LRRC7: variants seen among roughly 807,000 people sequenced by gnomAD.
The protein encoded by LRRC7 is leucine-rich repeat-containing protein 7.
LRRC7 carries 23 observed loss-of-function variants against 175.7 expected under a neutral mutation model. The observed-to-expected ratio is 0.13, with a 90% confidence interval of 0.09 to 0.19. LRRC7 has a LOEUF of 0.19. Ranked by LOEUF, LRRC7 falls within the 10% of genes least tolerant of loss-of-function variation. LRRC7 has a pLI of 1.00. For synonymous variants in LRRC7, 685 were observed against 680.9 expected, an observed-to-expected ratio of 1.01 and a Z score of -0.09; for missense variants, 1,354 against 1,904.7, an observed-to-expected ratio of 0.71 and a Z score of 5.38.
At chr1:69,732,210 C>CAA (rs964875844) in intron 2 of LRRC7, among the ~76,000 whole-genome samples, 1 of 151,166 alleles carries the variant, frequency 6.6e-6, no homozygotes, top group Non-Finnish European at 1.5e-5. Context: ...AAGATAACTT[C>CAA]AAGAAAAAGC....
chr1:69,750,093 T>TAAATAAATAATA (rs139997047), intron 2 of LRRC7, among the ~76,000 whole-genome samples: 13,511 of 141,898 alleles, frequency 0.095, 713 homozygotes, highest in South Asian at 0.13. Context: ...AATAAATAAA[T>TAAATAAATAATA]AATAATAACT....
intron 3 of LRRC7, among the ~76,000 whole-genome samples, chr1:69,768,055 G>T (rs982790124): frequency 2.0e-5 from 3 of 152,088 alleles, no homozygotes; most frequent in African/African-American, 7.2e-5. Flanking sequence ...CTGAAACACC[G>T]ATCATTCAAT....
intron 1 of LRRC7, among the ~76,000 whole-genome samples, chr1:69,623,960 T>G (rs1380690876): frequency 6.6e-6 from 1 of 152,214 alleles, no homozygotes; most frequent in African/African-American, 2.4e-5. Flanking sequence ...CACTGTATGT[T>G]TCTCATTTGG....
chr1:69,755,706 A>G (rs1363159669), intron 2 of LRRC7, among the ~76,000 whole-genome samples: 1 of 151,896 alleles, frequency 6.6e-6, no homozygotes, highest in Non-Finnish European at 1.5e-5. Flanking sequence ...GAAATTGAAG[A>G]GACTTAGTAT....
intron 1 of LRRC7, among the ~76,000 whole-genome samples, chr1:69,642,154 A>G (rs1654308099): frequency 6.6e-6 from 1 of 152,022 alleles, no homozygotes; most frequent in African/African-American, 2.4e-5. Flanking sequence ...AATTTTATAA[A>G]GTTTAAATCA....
chr1:69,994,439 G>C (rs567374605), intron 10 of LRRC7, 122 bp from the exon 11 acceptor site: 2 of 744,106 alleles, frequency 2.7e-6, no homozygotes, highest in Non-Finnish European at 4.7e-6. Context: ...GTGTGTATTA[G>C]CAGAGTTTGG....
At chr1:69,661,542 G>A (rs1351917097) in intron 1 of LRRC7, among the ~76,000 whole-genome samples, 1 of 152,074 alleles carries the variant, frequency 6.6e-6, no homozygotes, top group Non-Finnish European at 1.5e-5. Context: ...CTTTTACTCT[G>A]AGTGGTCAGC....
chr1:69,953,751 T>G (rs1189563894), intron 8 of LRRC7, among the ~76,000 whole-genome samples: 1 of 152,058 alleles, frequency 6.6e-6, no homozygotes, highest in Non-Finnish European at 1.5e-5. Context: ...TAGTGACTCC[T>G]GTGTCCACAC....
In LRRC7 at chr1:69,774,598, C is replaced by T. The variant is rs560781979; in HGVS notation, c.303+14205C>T. ...TGTTAATTTGCTTCACTACAGTAGCCTTTTTGCTATCTATGTGTATTCTGT... is the reference window on the plus strand; with the variant it reads ...TGTTAATTTGCTTCACTACAGTAGCTTTTTTGCTATCTATGTGTATTCTGT... On this transcript the variant is annotated intron_variant, in intron 3 of 26. Coordinates refer to ENST00000651989, the MANE Select transcript of LRRC7 (RefSeq NM_001370785.2). Among the ~76,000 whole-genome samples, 6 of 152,202 alleles carry T rather than the reference C, an allele frequency of 3.9e-5. No homozygotes were observed. In the East Asian group the frequency reaches 1.2e-3, roughly 29 times the overall value.
chr1:69,916,184 C>CATATTTTATATATATAATATATATTAT (rs1553174073), intron 7 of LRRC7, among the ~76,000 whole-genome samples: 8 of 22,968 alleles, frequency 3.5e-4, no homozygotes, highest in South Asian at 1.1e-3. Flanking sequence ...ATATATATTA[C>CATATTTTATATATATAATATATATTAT]ATACATATTT....
In LRRC7 at chr1:69,581,079, C is replaced by G. The variant is rs72671195; in HGVS notation, c.2+12438C>G. 2.6e-3 allele frequency among the ~76,000 whole-genome samples: 403 copies of G among 152,226 alleles called. 2 individuals are homozygous for G. Among genetic ancestry groups the G allele is most frequent in the Non-Finnish European group, 5.0e-3 (339 of 68,008 alleles). On this transcript the variant is annotated intron_variant, in intron 1 of 26. Coordinates refer to ENST00000651989, the MANE Select transcript of LRRC7 (RefSeq NM_001370785.2). Reference sequence around the variant, plus strand: ...GATATGGGGAGCACAGGGAGACTGGCACGTTATGAGGCAGACATGAGCCAG... The same window carrying G: ...GATATGGGGAGCACAGGGAGACTGGGACGTTATGAGGCAGACATGAGCCAG...
chr1:69,830,593 A>G (rs913239690), intron 5 of LRRC7, among the ~76,000 whole-genome samples: 1 of 151,892 alleles, frequency 6.6e-6, no homozygotes, highest in African/African-American at 2.4e-5. Context: ...TTCCAATACT[A>G]GTACAAAGTA....
At chr1:69,650,767 T>C (rs1363114694) in intron 1 of LRRC7, among the ~76,000 whole-genome samples, 1 of 151,554 alleles carries the variant, frequency 6.6e-6, no homozygotes, top group African/African-American at 2.4e-5. Flanking sequence ...TCTTAATCAT[T>C]TCTTTTAAAA....
intron 4 of LRRC7, among the ~76,000 whole-genome samples, chr1:69,813,100 A>T (rs1678145238): frequency 6.6e-6 from 1 of 152,048 alleles, no homozygotes; most frequent in African/African-American, 2.4e-5. Context: ...ACCCCATCAG[A>T]ACCACCAATC....
At chr1:69,996,551 A>C (rs1654988929) in intron 11 of LRRC7, among the ~76,000 whole-genome samples, 1 of 151,312 alleles carries the variant, frequency 6.6e-6, no homozygotes, top group Admixed American at 6.6e-5. Flanking sequence ...TTAAGTCTTT[A>C]ATCCATCTTG....
intron 8 of LRRC7, among the ~76,000 whole-genome samples, chr1:69,947,261 T>C (rs1164308020): frequency 6.6e-6 from 1 of 152,082 alleles, no homozygotes; most frequent in African/African-American, 2.4e-5. Context: ...TTTAGAGTAA[T>C]TACTGATGGA....
intron 1 of LRRC7, among the ~76,000 whole-genome samples, chr1:69,677,202 C>A (rs1473958130): frequency 7.2e-6 from 1 of 138,210 alleles, no homozygotes; most frequent in Non-Finnish European, 1.6e-5. Flanking sequence ...TATATATACC[C>A]CACATCTATA....
chr1:69,620,842 C>T (rs1467418364), intron 1 of LRRC7, among the ~76,000 whole-genome samples: 16 of 152,242 alleles, frequency 1.1e-4, no homozygotes, highest in Non-Finnish European at 1.8e-4. Context: ...TTGGCCTTGA[C>T]AAGATGCTTT....
At chr1:69,691,110 T>C (rs1176508572) in intron 2 of LRRC7, among the ~76,000 whole-genome samples, 5 of 152,090 alleles carry the variant, frequency 3.3e-5, no homozygotes, top group African/African-American at 1.2e-4. Context: ...GATTCTGAGG[T>C]AATAGGCCCC....
Sources: allele counts gnomAD v4.1 joint callset (sites outside exome capture counted in the v4.1 genomes callset), GRCh38; gene constraint gnomAD v4.1.1; transcripts MANE v1.5; gene names NCBI Gene and HGNC (gene_info 2026-07-23, HGNC 2026-07-21).